PCSK6: variants seen among roughly 807,000 people sequenced by gnomAD.
PCSK6 encodes the protein proprotein convertase subtilisin/kexin type 6.
Under a neutral mutation model 123.3 loss-of-function variants are expected in PCSK6, and 85 were observed. That is an observed-to-expected ratio of 0.69 (90% CI 0.58 to 0.83). The LOEUF (loss-of-function observed/expected upper bound fraction) is 0.83, where lower values mean the gene tolerates loss of function less well. PCSK6 is among the 40% of genes least tolerant of loss of function. PCSK6 has a pLI of 0.00. For missense variants in PCSK6, 1,191 were observed against 1,282.3 expected, an observed-to-expected ratio of 0.93 and a Z score of 1.09; for synonymous variants, 508 against 516.0, an observed-to-expected ratio of 0.98 and a Z score of 0.21.
chr15:101,481,036 A>C (rs918561846), intron 1 of PCSK6, among the ~76,000 whole-genome samples: 1 of 152,236 alleles, frequency 6.6e-6, no homozygotes, highest in Non-Finnish European at 1.5e-5. Context: ...GTGAGAGCAC[A>C]CAGCAATACT....
At chr15:101,409,195 T>C (rs1004691883) in intron 6 of PCSK6, among the ~76,000 whole-genome samples, 20 of 150,938 alleles carry the variant, frequency 1.3e-4, no homozygotes, top group African/African-American at 3.2e-4. Context: ...CGGGGGCTCA[T>C]GCCTGTAATC....
At chr15:101,399,811 C>G (rs914624744) in intron 6 of PCSK6, among the ~76,000 whole-genome samples, 2 of 152,176 alleles carry the variant, frequency 1.3e-5, no homozygotes, top group South Asian at 4.1e-4. Flanking sequence ...TTGACACCCA[C>G]AGCTCCCCAC....
intron 1 of PCSK6, among the ~76,000 whole-genome samples, chr15:101,485,752 C>G (rs779850245): frequency 1.6e-4 from 24 of 152,180 alleles, no homozygotes; most frequent in Non-Finnish European, 3.4e-4. Flanking sequence ...CTCCCCTCCT[C>G]CTCTTCTTTC....
At chr15:101,397,082 G>T (rs2042434670) in intron 7 of PCSK6, among the ~76,000 whole-genome samples, 2 of 152,154 alleles carry the variant, frequency 1.3e-5, no homozygotes, top group Non-Finnish European at 2.9e-5. Flanking sequence ...AGAGGATGCA[G>T]TGTAGGCCTG....
intron 4 of PCSK6, 40 bp downstream of exon 4, chr15:101,431,280 G>A: frequency 1.2e-6 from 2 of 1,608,900 alleles, no homozygotes; most frequent in Non-Finnish European, 1.7e-6. Flanking sequence ...GACCAGCACA[G>A]TTGAATATAT....
At chr15:101,356,296 C>T (rs2041038442) in intron 13 of PCSK6, among the ~76,000 whole-genome samples, 1 of 152,056 alleles carries the variant, frequency 6.6e-6, no homozygotes, top group Non-Finnish European at 1.5e-5. Flanking sequence ...GCCCCCTCTT[C>T]CACACCCACA....
At chr15:101,351,332 T>A (rs7179905) in intron 13 of PCSK6, among the ~76,000 whole-genome samples, 33,837 of 152,244 alleles carry the variant, frequency 0.22, 3,968 homozygotes, top group South Asian at 0.3. Flanking sequence ...TGTGAACAGC[T>A]TACAAAACTG....
At chr15:101,349,265 G>A (rs2040829221) in intron 13 of PCSK6, among the ~76,000 whole-genome samples, 1 of 152,184 alleles carries the variant, frequency 6.6e-6, no homozygotes, top group Admixed American at 6.5e-5. Context: ...CAAAGCTTTT[G>A]GTTAGCAAAG....
chr15:101,485,973 T>TC (rs1169532557), intron 1 of PCSK6, among the ~76,000 whole-genome samples: 2 of 149,026 alleles, frequency 1.3e-5, no homozygotes, highest in Admixed American at 6.7e-5. Context: ...TTTTTTTTTT[T>TC]TTTTTTTGAG....
chr15:101,441,135 G>A (rs12591511), intron 2 of PCSK6, among the ~76,000 whole-genome samples: 56,550 of 152,026 alleles, frequency 0.37, 10,897 homozygotes, highest in African/African-American at 0.43. Context: ...AGCTCTGTGA[G>A]AAGGAGATTT....
chr15:101,333,486 G>T (rs374117569), intron 13 of PCSK6, among the ~76,000 whole-genome samples: 5 of 152,274 alleles, frequency 3.3e-5, no homozygotes, highest in African/African-American at 1.2e-4. Flanking sequence ...TCCTGCCATG[G>T]GGTTTCTTGG....
intron 19 of PCSK6, among the ~76,000 whole-genome samples, chr15:101,316,914 T>TTTTTTTTTG (rs2040004131): frequency 1.0e-5 from 1 of 100,494 alleles, no homozygotes; most frequent in Non-Finnish European, 2.1e-5. Context: ...AATTCTGTTT[T>TTTTTTTTTG]TTTTTTTTTT....
At position 101,355,905 on chromosome 15, in the gene PCSK6, G is replaced by T. The variant is rs191740823; in HGVS notation, c.1858+10291C>A. The stretch of plus-strand genomic sequence containing the variant: ...GAGGCAAGAAGGGCGGGCTGGGAAG[G>T]CTCCTCTCTTCAGTGACTTGGTCTG... On this transcript the variant is annotated intron_variant, in intron 13 of 21. Transcript: ENST00000611716. Among the ~76,000 whole-genome samples, 15 of 152,286 alleles carry T rather than the reference G, an allele frequency of 9.8e-5. No homozygotes were observed. The East Asian group carries it at 2.9e-3, about 29-fold the overall frequency.
At chr15:101,347,117 C>A in intron 13 of PCSK6, 1 of 1,231,762 alleles carries the variant, frequency 8.1e-7, no homozygotes, top group Non-Finnish European at 1.0e-6. Context: ...GAGTGATACT[C>A]TATAATTGCA....
At chr15:101,352,411 G>T (rs2040917020) in intron 13 of PCSK6, among the ~76,000 whole-genome samples, 1 of 152,154 alleles carries the variant, frequency 6.6e-6, no homozygotes, top group Non-Finnish European at 1.5e-5. Flanking sequence ...GCCTCCCAAA[G>T]TGCTGAGATT....
At chr15:101,391,513 G>A (rs549858477) in intron 8 of PCSK6, among the ~76,000 whole-genome samples, 6 of 152,344 alleles carry the variant, frequency 3.9e-5, no homozygotes, top group African/African-American at 7.2e-5. Flanking sequence ...TTCAGTGAAC[G>A]AACATACCCT....
At chr15:101,341,240 A>G (rs1039391270) in intron 13 of PCSK6, among the ~76,000 whole-genome samples, 3 of 140,128 alleles carry the variant, frequency 2.1e-5, no homozygotes, top group Non-Finnish European at 3.0e-5. Flanking sequence ...CCTGGCCAAA[A>G]GTGTGGGGTT....
chr15:101,310,428 G>C (rs2039829356), intron 20 of PCSK6, among the ~76,000 whole-genome samples: 1 of 152,246 alleles, frequency 6.6e-6, no homozygotes, highest in Admixed American at 6.5e-5. Context: ...AGCATGCCCT[G>C]AAATCCAGGG....
At chr15:101,379,437 G>C (rs546497386) in intron 11 of PCSK6, among the ~76,000 whole-genome samples, 8 of 152,166 alleles carry the variant, frequency 5.3e-5, no homozygotes, top group Admixed American at 5.2e-4. Context: ...GTCACACCAG[G>C]GTAGCATCCT....
Sources: allele counts gnomAD v4.1 joint callset (sites outside exome capture counted in the v4.1 genomes callset), GRCh38; gene constraint gnomAD v4.1.1; transcripts MANE v1.5; gene names NCBI Gene and HGNC (gene_info 2026-07-23, HGNC 2026-07-21).